KCNV1: variants seen among roughly 807,000 people sequenced by gnomAD.
KCNV1 encodes the protein potassium voltage-gated channel subfamily V member 1.
In KCNV1, 2 loss-of-function variants were observed where a neutral mutation model predicts 36.4. The ratio of observed to expected loss-of-function variants is 0.05; its 90% CI spans 0.02 to 0.17. The LOEUF is 0.17. Among genes scored for constraint, KCNV1 ranks in the 10% least tolerant of loss-of-function variants. The pLI, the probability that KCNV1 is intolerant of heterozygous loss-of-function variation, is 1.00. For missense variants in KCNV1, 321 were observed against 643.6 expected (o/e 0.50, Z 5.42); for synonymous variants, 280 against 261.1 (o/e 1.07, Z -0.70).
At position 109,966,630 on chromosome 8, in the gene KCNV1, T is replaced by C. The variant is rs984726438; in HGVS notation, c.*1458A>G. ...CAGTTAATGGCATCTTACAATTGAC[T>C]GGCATCTTTCTTTCTTGGTAGTGCA... is the stretch of plus-strand genomic sequence containing the variant. On this transcript the variant is annotated 3_prime_UTR_variant, in exon 4 of 4. Transcript: ENST00000524391. The C allele has an allele frequency of 1.3e-5, 2 of 152,224 alleles. No homozygotes were observed. The highest frequency in any genetic ancestry group is 4.8e-5 in the African/African-American group (2 of 41,454). 9.4% of individuals were successfully genotyped at this position (152,224 alleles called of 1,614,324 possible). A position where few individuals can be genotyped will look rare whatever the true frequency, so the allele number is the denominator to read the frequency against.
intron 3 of KCNV1, among the ~76,000 whole-genome samples, chr8:109,969,985 T>C (rs1184932250): frequency 6.6e-6 from 1 of 152,152 alleles, no homozygotes; most frequent in Non-Finnish European, 1.5e-5. Flanking sequence ...ATCAACATGA[T>C]GTCAAAATGA....
At position 109,968,622 on chromosome 8, in the gene KCNV1, A is replaced by C; in HGVS notation, c.992-23T>G. ...ATCCTGCAACAGAACAAATGCTGTC[A>C]GTCATTGGCATCCCTCTTCTCTCTC... On this transcript the variant is annotated intron_variant, in intron 3 of 3. Transcript: ENST00000524391. This position sits in a 1 kb window ranked among gnomAD's most constrained non-coding sequence, Gnocchi z 5.3. 6.4e-7 allele frequency: 1 copy of C among 1,554,896 alleles called. No homozygotes were observed. The highest frequency in any genetic ancestry group is 8.7e-7 in the Non-Finnish European group (1 of 1,145,474).
At position 109,973,999 on chromosome 8, in the gene KCNV1, C is replaced by T. The variant is rs148889439; in HGVS notation, c.390G>A (p.Ala130=). 3 of 1,613,234 alleles carry T rather than the reference C, an allele frequency of 1.9e-6. No individual in the cohort carries two copies. The highest frequency in any genetic ancestry group is 1.7e-5 in the Admixed American group (1 of 59,990). Residue 130 remains alanine (A), a synonymous_variant, in exon 2 of 4, where the codon GCG becomes GCA. Transcript: ENST00000524391. ...ACTGGATCTCCTGCAGGAAGGAGAGCGCGCACAGCTGCTCCATGACATGCA... is the reference window on the plus strand; with the variant it reads ...ACTGGATCTCCTGCAGGAAGGAGAGTGCGCACAGCTGCTCCATGACATGCA... ...GRLHVMEQLC[A]LSFLQEIQYW... is the part of the protein sequence containing the mutation.
Position 109,975,145 on chromosome 8 carries a change from T to C in KCNV1, c.-757A>G, listed in dbSNP as rs561206686. 6.6e-6 allele frequency: 1 copy of C among 152,190 alleles called. No individual in the cohort carries two copies. Among genetic ancestry groups the C allele is most frequent in the East Asian group, 2.0e-4 (1 of 5,118 alleles). The allele number at this position is 152,190 out of a possible 1,614,324, so 9.4% of individuals were successfully genotyped here. ...ATTCACTCTCATTCTAGTCTGATGA[T>C]CACTGACGCTCCATTTTCTTCCGCC... On this transcript the variant is annotated 5_prime_UTR_variant, in exon 2 of 4. An upstream open reading frame in the 5' UTR loses its in-frame stop. Coordinates refer to ENST00000524391, the MANE Select transcript of KCNV1 (RefSeq NM_014379.4).
intron 3 of KCNV1, among the ~76,000 whole-genome samples, chr8:109,969,852 G>GAA (rs199693742): frequency 6.9e-5 from 6 of 86,488 alleles, no homozygotes; most frequent in Non-Finnish European, 1.1e-4. Context: ...CTCAAAAAAA[G>GAA]AAAAAAAAAA....
chr8:109,974,275 C>A lies in KCNV1; in HGVS notation c.114G>T (p.Gly38=). ...SEGEGEPLAL[G]DCFTVNVGGS... The stretch of plus-strand genomic sequence containing the variant: ...CGCCCACGTTGACCGTGAAGCAGTC[C>A]CCGAGCGCCAAGGGCTCCCCTTCAC... The change falls in exon 2 of 4, where the codon GGG becomes GGT. Residue 38 remains glycine, a synonymous_variant. Coordinates refer to ENST00000524391, the MANE Select transcript of KCNV1 (RefSeq NM_014379.4). This position sits in a 1 kb window ranked among gnomAD's most constrained non-coding sequence, Gnocchi z 6.2. 1 of 1,550,580 alleles carries A rather than the reference C, an allele frequency of 6.4e-7. No individual in the cohort carries two copies.
intron 2 of KCNV1, among the ~76,000 whole-genome samples, chr8:109,973,505 T>A (rs879318691): frequency 6.6e-6 from 1 of 152,190 alleles, no homozygotes; most frequent in Non-Finnish European, 1.5e-5. Flanking sequence ...CAACCTTTTA[T>A]CTTCTATATT....
rs1217211480 is a variant in KCNV1 at position 109,965,076 on chromosome 8, C to G, written c.*3012G>C. ...ACAAAAAATTAGCCAGGCGTGGTGG[C>G]GGGCGCCTCTAGTCCCAGCTACTCG... On this transcript the variant is annotated 3_prime_UTR_variant, in exon 4 of 4. Coordinates refer to ENST00000524391, the MANE Select transcript of KCNV1 (RefSeq NM_014379.4). The G allele has an allele frequency of 6.6e-6, 1 of 152,206 alleles. No individual in the cohort carries two copies. The highest frequency in any genetic ancestry group is 1.5e-5 in the Non-Finnish European group (1 of 68,052). The allele number at this position is 152,206 out of a possible 1,614,324, so 9.4% of individuals were successfully genotyped here.
rs1387700804 is a variant in KCNV1, at chr8:109,964,902, C to A, written c.*3186G>T. 6.6e-6 allele frequency: 1 copy of A among 152,102 alleles called. No individual in the cohort carries two copies. Among genetic ancestry groups the A allele is most frequent in the African/African-American group, 2.4e-5 (1 of 41,408 alleles). The allele number at this position is 152,102 out of a possible 1,614,324, so 9.4% of individuals were successfully genotyped here. On this transcript the variant is annotated 3_prime_UTR_variant, in exon 4 of 4. Coordinates refer to ENST00000524391, the MANE Select transcript of KCNV1 (RefSeq NM_014379.4). ...AAATAACTGGTGCTAGGTTTAATAC[C>A]TGGGTGATGAAATAATCCGTGCAAA...
chr8:109,968,493 A>G lies in KCNV1; in HGVS notation c.1098T>C (p.Phe366=). The change falls in exon 4 of 4, where the codon TTT becomes TTC. Residue 366 remains phenylalanine (F), a synonymous_variant. Transcript: ENST00000524391. The surrounding 1 kb of genome is among the most constrained non-coding windows in gnomAD (Gnocchi z 5.3). ...TTGTGTCAGGAATGCTTTGCTCAGC[A>G]AAGTATTCTACAGTTGAAAATATAG... is the stretch of plus-strand genomic sequence containing the variant. ...GISIFSTVEY[F]AEQSIPDTTF... is the part of the protein sequence containing the mutation. The G allele has an allele frequency of 1.9e-6, 3 of 1,613,964 alleles. No individual in the cohort carries two copies. The highest frequency in any genetic ancestry group is 2.5e-6 in the Non-Finnish European group (3 of 1,179,834).
In KCNV1 at chr8:109,974,280, G is replaced by T; in HGVS notation, c.109C>A (p.Leu37Ile). Residue 37 changes from leucine to isoleucine, a missense_variant, in exon 2 of 4, where the codon CTC becomes ATC. Physicochemically the swap from Leu to Ile is conservative, Grantham distance 5 (BLOSUM62 2). Transcript: ENST00000524391. This position sits in a 1 kb window ranked among gnomAD's most constrained non-coding sequence, Gnocchi z 6.2. ...ACGTTGACCGTGAAGCAGTCCCCGA[G>T]CGCCAAGGGCTCCCCTTCACCCTCG... ...CSEGEGEPLA[L>I]GDCFTVNVGG... is the part of the protein sequence containing the mutation. The T allele has an allele frequency of 6.5e-7, 1 of 1,548,984 alleles. No individual in the cohort carries two copies.
chr8:109,974,005 C>T lies in KCNV1; in HGVS notation c.384G>A (p.Leu128=), dbSNP rs369067899. The change falls in exon 2 of 4, where the codon CTG becomes CTA. Residue 128 remains leucine (L), a synonymous_variant. Coordinates refer to ENST00000524391, the MANE Select transcript of KCNV1 (RefSeq NM_014379.4). This position sits in a 1 kb window ranked among gnomAD's most constrained non-coding sequence, Gnocchi z 6.2. The part of the protein sequence containing the change: ...RTGRLHVMEQ[L]CALSFLQEIQ... ...TCTCCTGCAGGAAGGAGAGCGCGCA[C>T]AGCTGCTCCATGACATGCAGGCGGC... 3.7e-6 allele frequency: 6 copies of T among 1,613,464 alleles called. No individual in the cohort carries two copies. The African/African-American group carries it at 5.3e-5, about 14-fold the overall frequency.
chr8:109,964,619 A>G lies in KCNV1; in HGVS notation c.*3469T>C, dbSNP rs1000013428. ...TAAATGCCCATCAACTGTAGACTGG[A>G]TAAAGAAAATGTATGTATACACCAT... On this transcript the variant is annotated 3_prime_UTR_variant, in exon 4 of 4. Coordinates refer to ENST00000524391, the MANE Select transcript of KCNV1 (RefSeq NM_014379.4). The G allele has an allele frequency of 6.6e-6, 1 of 152,258 alleles. No homozygotes were observed. Among genetic ancestry groups the G allele is most frequent in the African/African-American group, 2.4e-5 (1 of 41,468 alleles). 9.4% of individuals were successfully genotyped at this position (152,258 alleles called of 1,614,324 possible).
Position 109,972,680 on chromosome 8 carries a change from G to A in KCNV1, c.569C>T (p.Pro190Leu). ...SEQDFSQGPC[P>L]TVRQKLWNIL... ...ATTCCAGAGCTTCTGGCGAACAGTG[G>A]GACAAGGTCCTTGGGAGAAGTCCTG... is the stretch of plus-strand genomic sequence containing the variant. Residue 190 changes from proline to leucine, a missense_variant, in exon 3 of 4, where the codon CCC (proline) becomes CTC (leucine). Around this residue, in one of 5 missense-constraint regions of KCNV1, gnomAD observed 141 missense variants for 225.0 expected, o/e 0.63. Transcript: ENST00000524391. The surrounding 1 kb of genome is among the most constrained non-coding windows in gnomAD (Gnocchi z 5.2). 6.2e-7 allele frequency: 1 copy of A among 1,614,138 alleles called. No individual in the cohort carries two copies. The highest frequency in any genetic ancestry group is 8.5e-7 in the Non-Finnish European group (1 of 1,180,014).
chr8:109,964,610 G>C lies in KCNV1; in HGVS notation c.*3478C>G, dbSNP rs969067918. On this transcript the variant is annotated 3_prime_UTR_variant, in exon 4 of 4. Transcript: ENST00000524391. ...GAATAAACCTAAATGCCCATCAACT[G>C]TAGACTGGATAAAGAAAATGTATGT... is the stretch of plus-strand genomic sequence containing the variant. The C allele has an allele frequency of 6.6e-6, 1 of 152,190 alleles. No homozygotes were observed. The highest frequency in any genetic ancestry group is 2.4e-5 in the African/African-American group (1 of 41,460). 9.4% of individuals were successfully genotyped at this position (152,190 alleles called of 1,614,324 possible).
Position 109,963,985 on chromosome 8 carries a change from C to G in KCNV1, c.*4103G>C, listed in dbSNP as rs2065929290. 1.3e-5 allele frequency: 2 copies of G among 151,952 alleles called. No individual in the cohort carries two copies. The highest frequency in any genetic ancestry group is 4.1e-4 in the South Asian group (2 of 4,822). The allele number at this position is 151,952 out of a possible 1,614,324, so 9.4% of individuals were successfully genotyped here. On this transcript the variant is annotated 3_prime_UTR_variant, in exon 4 of 4. Coordinates refer to ENST00000524391, the MANE Select transcript of KCNV1 (RefSeq NM_014379.4). Reference sequence around the variant, plus strand: ...ACACAAAAGGTGGTTGCAACGAAAGCAAAAATTGGCAAATGGGATCTAATT... The same window carrying G: ...ACACAAAAGGTGGTTGCAACGAAAGGAAAAATTGGCAAATGGGATCTAATT...
At position 109,965,958 on chromosome 8, in the gene KCNV1, T is replaced by C. The variant is rs2130894296; in HGVS notation, c.*2130A>G. The C allele has an allele frequency of 6.6e-6, 1 of 152,344 alleles. No homozygotes were observed. The highest frequency in any genetic ancestry group is 1.5e-5 in the Non-Finnish European group (1 of 68,032). 9.4% of individuals were successfully genotyped at this position (152,344 alleles called of 1,614,324 possible). On this transcript the variant is annotated 3_prime_UTR_variant, in exon 4 of 4. Transcript: ENST00000524391. Reference sequence around the variant, plus strand: ...TAGGCAAGTTTATACCTTTTAATGTTTCAGTTTCGCTGTCTTTTCCTCACA... The same window carrying C: ...TAGGCAAGTTTATACCTTTTAATGTCTCAGTTTCGCTGTCTTTTCCTCACA...
chr8:109,972,979 CTTT>C lies in KCNV1; in HGVS notation c.462-195_462-193del, dbSNP rs113449582. 1.1e-4 allele frequency among the ~76,000 whole-genome samples: 15 copies of C among 134,466 alleles called. No individual in the cohort carries two copies. Among genetic ancestry groups the C allele is most frequent in the African/African-American group, 2.6e-4 (9 of 34,494 alleles). The allele number at this position is 134,466 out of a possible 152,430, so 88.2% of individuals were successfully genotyped here. The stretch of plus-strand genomic sequence containing the variant: ...TCCCTTAGAATTATGATTATTTTTC[CTTT>C]TTTTTTTTTTTTTGAGACGGAGTCT... On this transcript the variant is annotated intron_variant, in intron 2 of 3. Coordinates refer to ENST00000524391, the MANE Select transcript of KCNV1 (RefSeq NM_014379.4). The surrounding 1 kb of genome is among the most constrained non-coding windows in gnomAD (Gnocchi z 5.2).
rs1415159553 is a variant in KCNV1 at position 109,966,684 on chromosome 8, T to C, written c.*1404A>G. Reference sequence around the variant, plus strand: ...CATAATATGATGTCTTAAATAGAGTTTATGAAATACCTTATAGCTATATAT... The same window carrying C: ...CATAATATGATGTCTTAAATAGAGTCTATGAAATACCTTATAGCTATATAT... On this transcript the variant is annotated 3_prime_UTR_variant, in exon 4 of 4. Transcript: ENST00000524391. 6 of 152,194 alleles carry C rather than the reference T, an allele frequency of 3.9e-5. No homozygotes were observed. Among genetic ancestry groups the C allele is most frequent in the Non-Finnish European group, 7.4e-5 (5 of 68,026 alleles). The allele number at this position is 152,194 out of a possible 1,614,324, so 9.4% of individuals were successfully genotyped here.
Sources: gnomAD v4.1 joint callset for allele counts (sites outside exome capture counted in the v4.1 genomes callset) on GRCh38, gnomAD v4.1.1 for gene constraint, gnomAD v4.1.1 regional missense constraint, Gnocchi (gnomAD v3.1) non-coding constraint, MANE v1.5 for transcripts, NCBI Gene and HGNC (gene_info 2026-07-23, HGNC 2026-07-21) for gene names.